The following GPR158 variants were observed in gnomAD, a reference collection of about 807,000 sequenced individuals.
GPR158 encodes metabotropic glycine receptor.
GPR158 carries 30 observed loss-of-function variants against 78.2 expected under a neutral mutation model. The ratio of observed to expected loss-of-function variants is 0.38; its 90% CI spans 0.29 to 0.52. GPR158 has a LOEUF of 0.52. Ranked by LOEUF, GPR158 falls within the 20% of genes least tolerant of loss-of-function variation. GPR158 has a pLI of 0.83. For synonymous variants in GPR158, 581 were observed against 591.1 expected (o/e 0.98, Z 0.25); for missense variants, 1,463 against 1,523.5 (o/e 0.96, Z 0.66).
At chr10:25,236,457 G>A (rs1255858991) in intron 2 of GPR158, among the ~76,000 whole-genome samples, 4 of 152,124 alleles carry the variant, frequency 2.6e-5, no homozygotes, top group Non-Finnish European at 5.9e-5. Context: ...GCAGTGAGCC[G>A]AGATTGCACC....
chr10:25,248,207 T>C (rs1853729910), intron 2 of GPR158, among the ~76,000 whole-genome samples: 1 of 151,998 alleles, frequency 6.6e-6, no homozygotes, highest in Non-Finnish European at 1.5e-5. Flanking sequence ...TTGTAGATTC[T>C]GGATATTAGC....
intron 2 of GPR158, among the ~76,000 whole-genome samples, chr10:25,379,647 CT>C (rs11393897): frequency 0.013 from 1,386 of 106,956 alleles, 6 homozygotes; most frequent in Middle Eastern, 0.021. Context: ...TGAGGATTAG[CT>C]TTTTTTTTTT....
intron 1 of GPR158, among the ~76,000 whole-genome samples, chr10:25,185,878 A>G (rs893995936): frequency 1.3e-5 from 2 of 152,160 alleles, no homozygotes; most frequent in African/African-American, 2.4e-5. Flanking sequence ...AGCGGACTTA[A>G]TAGACATCTA....
chr10:25,235,370 A>G (rs561688831), intron 2 of GPR158, among the ~76,000 whole-genome samples: 2 of 151,410 alleles, frequency 1.3e-5, no homozygotes, highest in Non-Finnish European at 2.9e-5. Context: ...GAAAGTGATT[A>G]CAATAATCTA....
At chr10:25,561,049 A>T (rs1836853183) in intron 6 of GPR158, among the ~76,000 whole-genome samples, 1 of 152,194 alleles carries the variant, frequency 6.6e-6, no homozygotes, top group African/African-American at 2.4e-5. Context: ...AAATATTAAC[A>T]TTAAGATGGT....
intron 4 of GPR158, among the ~76,000 whole-genome samples, chr10:25,449,909 GTA>G (rs1198258727): frequency 1.3e-5 from 2 of 151,542 alleles, no homozygotes; most frequent in Non-Finnish European, 2.9e-5. Context: ...CTTATATATT[GTA>G]TGTTTTTATA....
At chr10:25,299,541 G>A (rs1022603985) in intron 2 of GPR158, among the ~76,000 whole-genome samples, 1 of 151,302 alleles carries the variant, frequency 6.6e-6, no homozygotes, top group African/African-American at 2.4e-5. Flanking sequence ...TATCCTTTAG[G>A]TTCCTCCATT....
At chr10:25,207,070 CAG>C (rs1234729655) in intron 1 of GPR158, among the ~76,000 whole-genome samples, 1 of 152,080 alleles carries the variant, frequency 6.6e-6, no homozygotes, top group Admixed American at 6.6e-5. Context: ...ATTATGAACT[CAG>C]AGATTCACTG....
intron 1 of GPR158, among the ~76,000 whole-genome samples, chr10:25,200,167 G>T (rs949496047): frequency 4.6e-5 from 7 of 152,004 alleles, no homozygotes; most frequent in African/African-American, 1.7e-4. Flanking sequence ...CAGCAATCTT[G>T]CCAGTATCTG....
intron 2 of GPR158, among the ~76,000 whole-genome samples, chr10:25,342,529 G>T (rs1855316038): frequency 6.6e-6 from 1 of 151,830 alleles, no homozygotes; most frequent in African/African-American, 2.4e-5. Context: ...ATTTTTGGAA[G>T]GCACAGAACA....
intron 2 of GPR158, among the ~76,000 whole-genome samples, chr10:25,254,515 T>C (rs2130726778): frequency 6.6e-6 from 1 of 152,290 alleles, no homozygotes; most frequent in Non-Finnish European, 1.5e-5. Flanking sequence ...TAGTCACTGA[T>C]CTAGAAAATT....
chr10:25,503,051 G>T (rs1168198080), intron 5 of GPR158, among the ~76,000 whole-genome samples: 1 of 152,106 alleles, frequency 6.6e-6, no homozygotes, highest in African/African-American at 2.4e-5. Context: ...CTTTATAGTT[G>T]TAGGAAAATC....
At chr10:25,329,789 T>C (rs1324320623) in intron 2 of GPR158, among the ~76,000 whole-genome samples, 2 of 151,882 alleles carry the variant, frequency 1.3e-5, no homozygotes, top group Non-Finnish European at 2.9e-5. Context: ...TTTTATTACA[T>C]GTTTTGTCAC....
chr10:25,210,236 C>T (rs1853109722), intron 1 of GPR158, among the ~76,000 whole-genome samples: 1 of 152,036 alleles, frequency 6.6e-6, no homozygotes, highest in Non-Finnish European at 1.5e-5. Flanking sequence ...TGTTAGATAC[C>T]TCATTATTTT....
At chr10:25,272,655 A>G (rs1171575015) in intron 2 of GPR158, among the ~76,000 whole-genome samples, 1 of 152,236 alleles carries the variant, frequency 6.6e-6, no homozygotes, top group Non-Finnish European at 1.5e-5. Context: ...TCATCAAGAC[A>G]GAAGTTGGTC....
intron 2 of GPR158, among the ~76,000 whole-genome samples, chr10:25,366,693 T>C (rs528096331): frequency 6.6e-6 from 1 of 151,838 alleles, no homozygotes; most frequent in East Asian, 1.9e-4. Context: ...AGCTGAAATT[T>C]TGTATTCTTT....
At chr10:25,313,776 ATATTGATTGG>A (rs1854804239) in intron 2 of GPR158, among the ~76,000 whole-genome samples, 1 of 152,134 alleles carries the variant, frequency 6.6e-6, no homozygotes, top group Admixed American at 6.5e-5. Context: ...TTGATAAATT[ATATTGATTGG>A]TAATTTTCTT....
chr10:25,541,048 A>G (rs1184479069), intron 5 of GPR158, among the ~76,000 whole-genome samples: 2 of 150,758 alleles, frequency 1.3e-5, no homozygotes, highest in Admixed American at 1.3e-4. Context: ...TGAATTTAAA[A>G]GTTTTTTCCA....
intron 2 of GPR158, among the ~76,000 whole-genome samples, chr10:25,283,046 C>T (rs567634543): frequency 8.6e-5 from 13 of 152,042 alleles, no homozygotes; most frequent in East Asian, 1.9e-4. Flanking sequence ...AGTGTTTTAT[C>T]CCTTTTATTC....
Sources: allele counts gnomAD v4.1 joint callset (sites outside exome capture counted in the v4.1 genomes callset), GRCh38; gene constraint gnomAD v4.1.1; transcripts MANE v1.5; gene names NCBI Gene and HGNC (gene_info 2026-07-23, HGNC 2026-07-21).